TNFRSF19: variants seen among roughly 807,000 people sequenced by gnomAD.
TNFRSF19 encodes the protein TNF receptor superfamily member 19.
A neutral mutation model predicts 46.4 loss-of-function variants in TNFRSF19; 27 were observed. The ratio of observed to expected loss-of-function variants is 0.58; its 90% CI spans 0.43 to 0.80. The LOEUF (loss-of-function observed/expected upper bound fraction) is 0.80. Among genes scored for constraint, TNFRSF19 ranks in the 30% least tolerant of loss-of-function variants. The probability of loss-of-function intolerance (pLI) is 0.00; values close to 1 mark genes in which losing one functional copy is unlikely to be tolerated. For synonymous variants in TNFRSF19, 204 were observed against 205.0 expected (o/e 1.00, Z 0.04); for missense variants, 511 against 530.8 (o/e 0.96, Z 0.37).
chr13:23,626,877 G>C, intron 5 of TNFRSF19, 85 bp downstream of exon 5: 3 of 1,318,836 alleles, frequency 2.3e-6, no homozygotes, highest in Non-Finnish European at 3.2e-6. Flanking sequence ...TTCTCTGGCA[G>C]ATGGAGCCAA....
intron 7 of TNFRSF19, among the ~76,000 whole-genome samples, chr13:23,664,074 T>C (rs12873212): frequency 2.0e-5 from 3 of 152,286 alleles, no homozygotes; most frequent in Non-Finnish European, 4.4e-5. Context: ...GCTTCTCAAA[T>C]TCTTTCTGTT....
intron 3 of TNFRSF19, among the ~76,000 whole-genome samples, chr13:23,610,020 C>G (rs1234502266): frequency 1.3e-5 from 2 of 152,234 alleles, no homozygotes; most frequent in African/African-American, 4.8e-5. Context: ...GATTTCTAAG[C>G]ACCAGCAACA....
At chr13:23,660,095 T>A (rs1258784851) in intron 6 of TNFRSF19, among the ~76,000 whole-genome samples, 1 of 152,148 alleles carries the variant, frequency 6.6e-6, no homozygotes, top group African/African-American at 2.4e-5. Flanking sequence ...TTCACTGAGG[T>A]TGCACAGCTT....
chr13:23,590,572 T>G (rs1879197463), intron 2 of TNFRSF19, among the ~76,000 whole-genome samples: 1 of 152,208 alleles, frequency 6.6e-6, no homozygotes, highest in Admixed American at 6.5e-5. Flanking sequence ...TGACCTCAGG[T>G]GATCCGCCTG....
At chr13:23,585,129 A>G (rs1042138666) in intron 1 of TNFRSF19, among the ~76,000 whole-genome samples, 4 of 152,252 alleles carry the variant, frequency 2.6e-5, no homozygotes, top group Non-Finnish European at 5.9e-5. Context: ...GAATATCAAC[A>G]TTTTAAAAAT....
At chr13:23,604,627 C>T (rs1162017338) in intron 3 of TNFRSF19, among the ~76,000 whole-genome samples, 1 of 152,078 alleles carries the variant, frequency 6.6e-6, no homozygotes, top group Non-Finnish European at 1.5e-5. Context: ...GTAATCAAGA[C>T]AGTGTGGTAT....
At chr13:23,580,172 T>C (rs1275135658) in intron 1 of TNFRSF19, among the ~76,000 whole-genome samples, 1 of 152,204 alleles carries the variant, frequency 6.6e-6, no homozygotes, top group East Asian at 1.9e-4. Flanking sequence ...CTCCTGGAGA[T>C]CAAGTTTGGC....
chr13:23,588,475 A>G (rs1167508277), intron 1 of TNFRSF19, among the ~76,000 whole-genome samples: 2 of 152,184 alleles, frequency 1.3e-5, no homozygotes, highest in East Asian at 3.9e-4. Context: ...GCATCCCACT[A>G]GACGATTCTA....
chr13:23,670,760 C>T (rs979087727), intron 9 of TNFRSF19, among the ~76,000 whole-genome samples: 3 of 152,196 alleles, frequency 2.0e-5, no homozygotes, highest in Non-Finnish European at 4.4e-5. Context: ...ACAGGCGGAA[C>T]CCCCCTGCTC....
rs1177391391 is a variant in TNFRSF19, at chr13:23,668,090, G to A, written c.839+8G>A. ...AGCCAGTCTTCAGGCAAGGTAACTAGGTGCTTTCAATCAATCATTTCATAA... is the reference window on the plus strand; with the variant it reads ...AGCCAGTCTTCAGGCAAGGTAACTAAGTGCTTTCAATCAATCATTTCATAA... On this transcript the variant is annotated splice_region_variant and intron_variant, in intron 8 of 9. Coordinates refer to ENST00000248484, the MANE Select transcript of TNFRSF19 (RefSeq NM_148957.4). The A allele has an allele frequency of 6.3e-7, 1 of 1,594,254 alleles. No individual in the cohort carries two copies. The highest frequency in any genetic ancestry group is 8.5e-7 in the Non-Finnish European group (1 of 1,170,424).
intron 1 of TNFRSF19, among the ~76,000 whole-genome samples, chr13:23,577,622 G>A (rs1878051008): frequency 6.6e-6 from 1 of 152,236 alleles, no homozygotes; most frequent in South Asian, 2.1e-4. Flanking sequence ...AAACTCGTGA[G>A]AGCCGTGGCT....
intron 3 of TNFRSF19, among the ~76,000 whole-genome samples, chr13:23,593,778 G>T (rs992247400): frequency 7.9e-5 from 12 of 152,234 alleles, no homozygotes; most frequent in Non-Finnish European, 1.3e-4. Context: ...TTCCACTGAA[G>T]ATTTAAAACT....
At chr13:23,649,182 A>C (rs1883495624) in intron 5 of TNFRSF19, among the ~76,000 whole-genome samples, 1 of 152,160 alleles carries the variant, frequency 6.6e-6, no homozygotes, top group Non-Finnish European at 1.5e-5. Flanking sequence ...GGTTGAATTC[A>C]CCAGTAAAGC....
chr13:23,577,936 G>A (rs1158733635), intron 1 of TNFRSF19, among the ~76,000 whole-genome samples: 2 of 152,194 alleles, frequency 1.3e-5, no homozygotes, highest in Admixed American at 1.3e-4. Flanking sequence ...GCTGTGGTGA[G>A]GGGTGGGGAG....
intron 5 of TNFRSF19, among the ~76,000 whole-genome samples, chr13:23,630,521 C>T (rs574897740): frequency 6.6e-6 from 1 of 152,222 alleles, no homozygotes; most frequent in African/African-American, 2.4e-5. Context: ...TGTCTGGGCA[C>T]TAATGGCATT....
chr13:23,640,163 GT>G (rs1882947790), intron 5 of TNFRSF19, among the ~76,000 whole-genome samples: 1 of 152,162 alleles, frequency 6.6e-6, no homozygotes, highest in African/African-American at 2.4e-5. Context: ...GTGGGAGGCT[GT>G]TTGTGTAGTT....
chr13:23,609,821 A>C (rs1023662510), intron 3 of TNFRSF19, among the ~76,000 whole-genome samples: 1 of 152,236 alleles, frequency 6.6e-6, no homozygotes, highest in South Asian at 2.1e-4. Context: ...CATTTCTGCC[A>C]TTTAATGACA....
chr13:23,630,508 G>A (rs1040928136), intron 5 of TNFRSF19, among the ~76,000 whole-genome samples: 9 of 152,160 alleles, frequency 5.9e-5, no homozygotes, highest in South Asian at 2.1e-4. Context: ...CCCATAGCCC[G>A]TCTGTCTGGG....
Position 23,673,677 on chromosome 13 carries a change from C to A in TNFRSF19, c.*297C>A. On this transcript the variant is annotated 3_prime_UTR_variant, in exon 10 of 10. Transcript: ENST00000248484. ...TGACTTCAAAGACGGATGGGTTGAG[C>A]TGGCAGCCTATGAGATTGTGGACAT... 2 of 612,226 alleles carry A rather than the reference C, an allele frequency of 3.3e-6. No individual in the cohort carries two copies. The highest frequency in any genetic ancestry group is 4.6e-6 in the Non-Finnish European group (2 of 435,432). 37.9% of individuals were successfully genotyped at this position (612,226 alleles called of 1,614,324 possible).
Sources: gnomAD v4.1 joint callset for allele counts (sites outside exome capture counted in the v4.1 genomes callset) on GRCh38, gnomAD v4.1.1 for gene constraint, MANE v1.5 for transcripts, NCBI Gene and HGNC (gene_info 2026-07-23, HGNC 2026-07-21) for gene names.